Variants in SLX4IP observed in about 807,000 individuals in gnomAD.
SLX4IP encodes protein SLX4IP.
In SLX4IP, 34 loss-of-function variants were observed where a neutral mutation model predicts 32.9. The observed-to-expected ratio is 1.03, with a 90% CI of 0.79 to 1.38. The LOEUF is 1.38. SLX4IP is among the 40% of genes most tolerant of loss of function. SLX4IP has a pLI of 0.00. For synonymous variants in SLX4IP, 172 were observed against 171.7 expected, an observed-to-expected ratio of 1.00 and a Z score of -0.01; for missense variants, 444 against 479.0, an observed-to-expected ratio of 0.93 and a Z score of 0.68.
At chr20:10,474,646 G>A (rs1402841117) in intron 2 of SLX4IP, among the ~76,000 whole-genome samples, 1 of 152,212 alleles carries the variant, frequency 6.6e-6, no homozygotes, top group East Asian at 1.9e-4. Context: ...TTGGGGGCCT[G>A]GGCTGGGGCT....
chr20:10,586,993 T>C (rs2066653596), intron 4 of SLX4IP, among the ~76,000 whole-genome samples: 1 of 152,090 alleles, frequency 6.6e-6, no homozygotes, highest in Non-Finnish European at 1.5e-5. Context: ...TGTACTTGAA[T>C]AAATGTTAAC....
chr20:10,615,485 T>C (rs2067015310), intron 6 of SLX4IP, among the ~76,000 whole-genome samples: 1 of 152,150 alleles, frequency 6.6e-6, no homozygotes, highest in South Asian at 2.1e-4. Context: ...TCCAAAGTCA[T>C]TTCCTAGTAG....
At chr20:10,512,138 C>T (rs1249755079) in intron 2 of SLX4IP, among the ~76,000 whole-genome samples, 1 of 152,106 alleles carries the variant, frequency 6.6e-6, no homozygotes, top group Non-Finnish European at 1.5e-5. Flanking sequence ...GCCATTATTG[C>T]ACAAAAGCAG....
At chr20:10,441,836 T>G (rs983861827) in intron 1 of SLX4IP, among the ~76,000 whole-genome samples, 2 of 152,140 alleles carry the variant, frequency 1.3e-5, no homozygotes, top group Non-Finnish European at 2.9e-5. Context: ...TTTATCTGAG[T>G]GGTCACCAGT....
At chr20:10,551,756 A>G (rs1016170205) in intron 2 of SLX4IP, among the ~76,000 whole-genome samples, 9 of 152,242 alleles carry the variant, frequency 5.9e-5, no homozygotes, top group African/African-American at 2.2e-4. Flanking sequence ...TAGGATCTCA[A>G]CAAGCATGGA....
chr20:10,576,302 C>A (rs2066522450), intron 4 of SLX4IP, among the ~76,000 whole-genome samples: 1 of 152,114 alleles, frequency 6.6e-6, no homozygotes, highest in Admixed American at 6.5e-5. Context: ...GCCACAGATT[C>A]AGAGTGAGGT....
At chr20:10,523,169 ATC>A (rs1383048087) in intron 2 of SLX4IP, among the ~76,000 whole-genome samples, 2 of 152,186 alleles carry the variant, frequency 1.3e-5, no homozygotes, top group Non-Finnish European at 2.9e-5. Flanking sequence ...GGTGGGGACT[ATC>A]TCTCTGGCCA....
At chr20:10,489,073 C>T (rs1473709437) in intron 2 of SLX4IP, among the ~76,000 whole-genome samples, 1 of 152,158 alleles carries the variant, frequency 6.6e-6, no homozygotes, top group African/African-American at 2.4e-5. Flanking sequence ...CACAAGGGAA[C>T]CTGCCCATAG....
intron 2 of SLX4IP, among the ~76,000 whole-genome samples, chr20:10,463,933 T>C (rs2065359392): frequency 6.6e-6 from 1 of 152,128 alleles, no homozygotes; most frequent in Non-Finnish European, 1.5e-5. Flanking sequence ...TTTCATAATA[T>C]TGTGAACTCC....
At position 10,556,257 on chromosome 20, in the gene SLX4IP, T is replaced by C; in HGVS notation, c.54T>C (p.Asp18=). The change falls in exon 3 of 8, where the codon GAT becomes GAC. Residue 18 remains aspartate (D), a synonymous_variant. Coordinates refer to ENST00000334534, the MANE Select transcript of SLX4IP (RefSeq NM_001009608.3). Reference sequence around the variant, plus strand: ...GTGGGAATTTTGCTGTCCTCGTGGATCTTCATATCTTGCCACAAGGTTCAA... The same window carrying C: ...GTGGGAATTTTGCTGTCCTCGTGGACCTTCATATCTTGCCACAAGGTTCAA... ...VKCGNFAVLV[D]LHILPQGSNK... is the part of the protein sequence containing the mutation. 1 of 1,613,730 alleles carries C rather than the reference T, an allele frequency of 6.2e-7. No homozygotes were observed. The highest frequency in any genetic ancestry group is 1.1e-5 in the South Asian group (1 of 90,944).
intron 6 of SLX4IP, among the ~76,000 whole-genome samples, chr20:10,619,217 C>CTTTTTTTTTTTTTT (rs59741153): frequency 3.9e-5 from 5 of 126,650 alleles, no homozygotes; most frequent in African/African-American, 6.1e-5. Context: ...CTTTTTTTTT[C>CTTTTTTTTTTTTTT]TTTTTTTTTT....
At chr20:10,460,200 A>C (rs539017970) in intron 2 of SLX4IP, among the ~76,000 whole-genome samples, 3 of 152,334 alleles carry the variant, frequency 2.0e-5, no homozygotes, top group South Asian at 4.1e-4. Flanking sequence ...TTCTAGGTTG[A>C]GCATTATTTT....
intron 2 of SLX4IP, among the ~76,000 whole-genome samples, chr20:10,552,826 AC>A (rs1030833519): frequency 5.5e-5 from 6 of 108,350 alleles, no homozygotes; most frequent in East Asian, 2.9e-4. Flanking sequence ...CCCTCCCCCC[AC>A]CCCCTTTTTT....
intron 2 of SLX4IP, among the ~76,000 whole-genome samples, chr20:10,476,429 T>G (rs1341701992): frequency 6.6e-6 from 1 of 152,244 alleles, no homozygotes; most frequent in Non-Finnish European, 1.5e-5. Flanking sequence ...CAACAAAAAA[T>G]GCATTGTAGC....
intron 4 of SLX4IP, among the ~76,000 whole-genome samples, chr20:10,583,221 CA>C (rs1275179937): frequency 6.6e-6 from 1 of 152,086 alleles, no homozygotes. Flanking sequence ...ATTCAACATA[CA>C]GAGCTCTAAA....
At position 10,623,108 on chromosome 20, in the gene SLX4IP, T is replaced by A; in HGVS notation, c.956T>A (p.Val319Asp). 6.2e-7 allele frequency: 1 copy of A among 1,614,152 alleles called. No homozygotes were observed. The highest frequency in any genetic ancestry group is 8.5e-7 in the Non-Finnish European group (1 of 1,180,028). The change falls in exon 8 of 8, where the codon GTC (valine) becomes GAC (aspartate). Residue 319 changes from valine (V) to aspartate (D), a missense_variant. Physicochemically the swap from Val to Asp is radical, Grantham distance 152. Coordinates refer to ENST00000334534, the MANE Select transcript of SLX4IP (RefSeq NM_001009608.3). ...GTTTCTCTTGGAAGTGATCGATTAG[T>A]CCCGAGAGAAATAATAGTGGAAAAA... ...GRVSLGSDRLVPREIIVEKSK... is the reference protein window; with the variant it reads ...GRVSLGSDRLDPREIIVEKSK...
intron 4 of SLX4IP, among the ~76,000 whole-genome samples, chr20:10,585,881 G>A (rs996240965): frequency 2.6e-5 from 4 of 152,026 alleles, no homozygotes; most frequent in Non-Finnish European, 5.9e-5. Context: ...ATGAGCCACC[G>A]TGCCCAGCCA....
At chr20:10,506,240 C>G (rs144592375) in intron 2 of SLX4IP, among the ~76,000 whole-genome samples, 166 of 152,264 alleles carry the variant, frequency 1.1e-3, no homozygotes, top group Middle Eastern at 6.8e-3. Flanking sequence ...ACTTGGGGTA[C>G]AGAATAAGTG....
At chr20:10,461,704 G>A (rs1239403149) in intron 2 of SLX4IP, among the ~76,000 whole-genome samples, 1 of 152,222 alleles carries the variant, frequency 6.6e-6, no homozygotes, top group African/African-American at 2.4e-5. Flanking sequence ...CACTGCTCCT[G>A]AAGTCTTGTG....
Sources: allele counts gnomAD v4.1 joint callset (sites outside exome capture counted in the v4.1 genomes callset), GRCh38; gene constraint gnomAD v4.1.1; transcripts MANE v1.5; gene names NCBI Gene and HGNC (gene_info 2026-07-23, HGNC 2026-07-21).